MON1B: variants seen among roughly 807,000 people sequenced by gnomAD.
MON1B encodes vacuolar fusion protein MON1 homolog B.
MON1B carries 26 observed loss-of-function variants against 45.1 expected under a neutral mutation model. The ratio of observed to expected loss-of-function variants is 0.58; its 90% CI spans 0.42 to 0.80. The LOEUF is 0.80. Ranked by LOEUF, MON1B falls within the 30% of genes least tolerant of loss-of-function variation. The pLI is 0.00. For missense variants in MON1B, 737 were observed against 754.5 expected, an observed-to-expected ratio of 0.98 and a Z score of 0.27; for synonymous variants, 395 against 320.2, an observed-to-expected ratio of 1.23 and a Z score of -2.49.
Position 77,193,071 on chromosome 16 carries a change from G to C in MON1B, c.149-380G>C, listed in dbSNP as rs1031380191. 2.6e-5 allele frequency among the ~76,000 whole-genome samples: 4 copies of C among 151,992 alleles called. No individual in the cohort carries two copies. Among genetic ancestry groups the C allele is most frequent in the Admixed American group, 6.6e-5 (1 of 15,264 alleles). ...AGCAGATATCAGGAGAAAAAATAGC[G>C]GTCAGAGGAGTTAATGGGGGATCAT... On this transcript the variant is annotated intron_variant, in intron 2 of 5. Transcript: ENST00000248248. This position sits in a 1 kb window ranked among gnomAD's most constrained non-coding sequence, Gnocchi z 5.0.
Position 77,193,606 on chromosome 16 carries a change from G to T in MON1B, c.304G>T (p.Asp102Tyr), listed in dbSNP as rs1306913260. 4.3e-6 allele frequency: 7 copies of T among 1,614,128 alleles called. No homozygotes were observed. The highest frequency in any genetic ancestry group is 5.1e-6 in the Non-Finnish European group (6 of 1,179,976). The part of the protein sequence containing the change: ...SSGGQGGDPS[D>Y]EEWRSQRKHV... ...TGGAGGCCAGGGCGGGGACCCCAGTGATGAGGAGTGGCGCAGCCAGCGGAA... is the reference window on the plus strand; with the variant it reads ...TGGAGGCCAGGGCGGGGACCCCAGTTATGAGGAGTGGCGCAGCCAGCGGAA... The change falls in exon 3 of 6, where the codon GAT becomes TAT. Residue 102 changes from aspartate to tyrosine, a missense_variant. Physicochemically the swap from Asp to Tyr is radical, Grantham distance 160. Coordinates refer to ENST00000248248, the MANE Select transcript of MON1B (RefSeq NM_014940.4). This position sits in a 1 kb window ranked among gnomAD's most constrained non-coding sequence, Gnocchi z 5.0.
chr16:77,191,858 T>G (rs1283496954), intron 2 of MON1B, among the ~76,000 whole-genome samples: 3 of 152,042 alleles, frequency 2.0e-5, no homozygotes, highest in Non-Finnish European at 4.4e-5. Flanking sequence ...GGTGTGAGTT[T>G]AGGTCATTGA....
At chr16:77,195,951 G>T (rs1248078222) in intron 5 of MON1B, among the ~76,000 whole-genome samples, 1 of 152,108 alleles carries the variant, frequency 6.6e-6, no homozygotes, top group Non-Finnish European at 1.5e-5. Context: ...CTTTCCAGAG[G>T]CCCCATTAAC....
Position 77,194,793 on chromosome 16 carries a change from G to A in MON1B, c.934G>A (p.Gly312Ser). 1.2e-6 allele frequency: 2 copies of A among 1,613,778 alleles called. No homozygotes were observed. Among genetic ancestry groups the A allele is most frequent in the Non-Finnish European group, 1.7e-6 (2 of 1,180,002 alleles). Residue 312 changes from glycine (G) to serine (S), a missense_variant, in exon 4 of 6, where the codon GGT (glycine) becomes AGT (serine). Transcript: ENST00000248248. This position sits in a 1 kb window ranked among gnomAD's most constrained non-coding sequence, Gnocchi z 8.1. ...ADLQLLLDWVGAPAFAAGEAW... is the reference protein window; with the variant it reads ...ADLQLLLDWVSAPAFAAGEAW... ...CCTGCAGTTGCTGCTCGACTGGGTG[G>A]GTGCACCAGCCTTTGCGGCGGGTGA...
At position 77,193,874 on chromosome 16, in the gene MON1B, G is replaced by C; in HGVS notation, c.475+97G>C. Reference sequence around the variant, plus strand: ...GCCTCAGGCACTATCCAGCCAGCCAGGGTTGGGTCCATGTGTGTGGATGGT... The same window carrying C: ...GCCTCAGGCACTATCCAGCCAGCCACGGTTGGGTCCATGTGTGTGGATGGT... On this transcript the variant is annotated intron_variant, in intron 3 of 5. Coordinates refer to ENST00000248248, the MANE Select transcript of MON1B (RefSeq NM_014940.4). This position sits in a 1 kb window ranked among gnomAD's most constrained non-coding sequence, Gnocchi z 5.0. The C allele has an allele frequency of 7.6e-7, 1 of 1,316,226 alleles. No individual in the cohort carries two copies. The highest frequency in any genetic ancestry group is 1.0e-6 in the Non-Finnish European group (1 of 966,810). The allele number at this position is 1,316,226 out of a possible 1,614,324, so 81.5% of individuals were successfully genotyped here. A position where few individuals can be genotyped will look rare whatever the true frequency, so the allele number is the denominator to read the frequency against.
At position 77,198,251 on chromosome 16, in the gene MON1B, A is replaced by C. The variant is rs1597378450; in HGVS notation, c.1587A>C (p.Thr529=). ...TTCGTTACCCACCCAAGTACTCCAC[A>C]CCACCAGCCACCTCTACGGACCAAG... ...LFIRYPPKYS[T]PPATSTDQAA... The change falls in exon 6 of 6, where the codon ACA becomes ACC. Residue 529 remains threonine (T), a synonymous_variant. Transcript: ENST00000248248. 1 of 1,614,054 alleles carries C rather than the reference A, an allele frequency of 6.2e-7. No homozygotes were observed. The highest frequency in any genetic ancestry group is 8.5e-7 in the Non-Finnish European group (1 of 1,180,002).
Position 77,199,277 on chromosome 16 carries a change from G to T in MON1B, c.*969G>T. The stretch of plus-strand genomic sequence containing the variant: ...TTACAGCCTCAAGGTTGTAGCATGT[G>T]TGCTGGCAATCAGGGCCGCAGTGTG... On this transcript the variant is annotated 3_prime_UTR_variant, in exon 6 of 6. Transcript: ENST00000248248. The T allele has an allele frequency of 1.6e-6, 1 of 615,026 alleles. No homozygotes were observed. Among genetic ancestry groups the T allele is most frequent in the Non-Finnish European group, 2.9e-6 (1 of 342,354 alleles). The allele number at this position is 615,026 out of a possible 1,614,324, so 38.1% of individuals were successfully genotyped here.
Position 77,198,387 on chromosome 16 carries a change from G to C in MON1B, c.*79G>C. The C allele has an allele frequency of 6.9e-7, 1 of 1,455,676 alleles. No individual in the cohort carries two copies. The highest frequency in any genetic ancestry group is 2.3e-5 in the East Asian group (1 of 44,002). The allele number at this position is 1,455,676 out of a possible 1,614,324, so 90.2% of individuals were successfully genotyped here. ...CCTTCTGTCTACCCTGGAAATGTGT[G>C]TGGGGGTGTGTCTGTGGCCAGTCAT... On this transcript the variant is annotated 3_prime_UTR_variant, in exon 6 of 6. Transcript: ENST00000248248.
At position 77,195,168 on chromosome 16, in the gene MON1B, C is replaced by G. The variant is rs368859032; in HGVS notation, c.1295+14C>G. 192 of 1,546,450 alleles carry G rather than the reference C, an allele frequency of 1.2e-4. No homozygotes were observed. The highest frequency in any genetic ancestry group is 1.6e-4 in the Non-Finnish European group (186 of 1,150,962). ...CCAGTTTACCAGGTAGGCCCTGACCCTAAGGCAACTGGCTGGGTGGGAAGG... is the reference window on the plus strand; with the variant it reads ...CCAGTTTACCAGGTAGGCCCTGACCGTAAGGCAACTGGCTGGGTGGGAAGG... On this transcript the variant is annotated intron_variant, in intron 4 of 5. Coordinates refer to ENST00000248248, the MANE Select transcript of MON1B (RefSeq NM_014940.4).
In MON1B at chr16:77,195,692, G is replaced by A; in HGVS notation, c.1443+10G>A. 4 of 1,613,938 alleles carry A rather than the reference G, an allele frequency of 2.5e-6. No homozygotes were observed. Among genetic ancestry groups the A allele is most frequent in the Non-Finnish European group, 3.4e-6 (4 of 1,179,884 alleles). ...GACACTACTGGCCTGGGTAAGTTGGGCAGGGCTCTGAGTGAATTAATTCCC... is the reference window on the plus strand; with the variant it reads ...GACACTACTGGCCTGGGTAAGTTGGACAGGGCTCTGAGTGAATTAATTCCC... On this transcript the variant is annotated intron_variant, in intron 5 of 5. Coordinates refer to ENST00000248248, the MANE Select transcript of MON1B (RefSeq NM_014940.4).
In MON1B at chr16:77,195,688, T is replaced by A; in HGVS notation, c.1443+6T>A. On this transcript the variant is annotated splice_donor_region_variant and intron_variant, in intron 5 of 5. Transcript: ENST00000248248. Reference sequence around the variant, plus strand: ...AGGAGACACTACTGGCCTGGGTAAGTTGGGCAGGGCTCTGAGTGAATTAAT... The same window carrying A: ...AGGAGACACTACTGGCCTGGGTAAGATGGGCAGGGCTCTGAGTGAATTAAT... The A allele has an allele frequency of 6.2e-7, 1 of 1,614,060 alleles. No individual in the cohort carries two copies. The highest frequency in any genetic ancestry group is 8.5e-7 in the Non-Finnish European group (1 of 1,179,958).
chr16:77,198,491 C>T lies in MON1B; in HGVS notation c.*183C>T. Reference sequence around the variant, plus strand: ...TGGCAGCCGCCAGGCGAGCAGGCTGCTTTCCCTGCCCAGTCATGCACCTCC... The same window carrying T: ...TGGCAGCCGCCAGGCGAGCAGGCTGTTTTCCCTGCCCAGTCATGCACCTCC... On this transcript the variant is annotated 3_prime_UTR_variant, in exon 6 of 6. Transcript: ENST00000248248. 2 of 653,004 alleles carry T rather than the reference C, an allele frequency of 3.1e-6. No individual in the cohort carries two copies. The highest frequency in any genetic ancestry group is 5.2e-6 in the Non-Finnish European group (2 of 381,698). 40.5% of individuals were successfully genotyped at this position (653,004 alleles called of 1,614,324 possible).
At position 77,200,768 on chromosome 16, in the gene MON1B, A is replaced by AGAAG. The variant is rs1567423424; in HGVS notation, c.*2460_*2461insGAAG. The AGAAG allele has an allele frequency of 6.9e-6, 1 of 144,494 alleles. No individual in the cohort carries two copies. The highest frequency in any genetic ancestry group is 1.5e-5 in the Non-Finnish European group (1 of 66,726). The allele number at this position is 144,494 out of a possible 1,614,324, so 9.0% of individuals were successfully genotyped here. ...GAGCAAAAAAAAAAAAAAAAAAAGA[A>AGAAG]AAAACAAAAAGAAAAAAATCTCCCA... On this transcript the variant is annotated 3_prime_UTR_variant, in exon 6 of 6. Coordinates refer to ENST00000248248, the MANE Select transcript of MON1B (RefSeq NM_014940.4).
Position 77,198,242 on chromosome 16 carries a change from G to A in MON1B, c.1578G>A (p.Lys526=). The A allele has an allele frequency of 1.2e-6, 2 of 1,614,174 alleles. No individual in the cohort carries two copies. Among genetic ancestry groups the A allele is most frequent in the Non-Finnish European group, 1.7e-6 (2 of 1,180,030 alleles). ...EDRLFIRYPP[K]YSTPPATSTD... ...GGCTCTTCATTCGTTACCCACCCAA[G>A]TACTCCACACCACCAGCCACCTCTA... Residue 526 remains lysine, a synonymous_variant, in exon 6 of 6, where the codon AAG becomes AAA. Transcript: ENST00000248248.
At chr16:77,197,012 T>C (rs1274826347) in intron 5 of MON1B, among the ~76,000 whole-genome samples, 5 of 152,162 alleles carry the variant, frequency 3.3e-5, no homozygotes, top group Non-Finnish European at 5.9e-5. Context: ...ACTTTCTCTA[T>C]TCCAGTCCTC....
At chr16:77,191,830 G>A (rs894729345) in intron 2 of MON1B, among the ~76,000 whole-genome samples, 197 bp downstream of exon 2, 1 of 152,170 alleles carries the variant, frequency 6.6e-6, no homozygotes, top group Non-Finnish European at 1.5e-5. Context: ...GCTGTCAACG[G>A]ATGTTCACTG....
At position 77,195,445 on chromosome 16, in the gene MON1B, T is replaced by C. The variant is rs140196679; in HGVS notation, c.1296-90T>C. The C allele has an allele frequency of 4.9e-6, 7 of 1,432,446 alleles. No individual in the cohort carries two copies. In the African/African-American group the frequency reaches 1.0e-4, roughly 20 times the overall value. 88.7% of individuals were successfully genotyped at this position (1,432,446 alleles called of 1,614,324 possible). A position where few individuals can be genotyped will look rare whatever the true frequency, so the allele number is the denominator to read the frequency against. ...CATGGGAGAGGCTCAGCTCCCTAAC[T>C]TCATTGAAATCTCTAGACTGAGGGA... is the stretch of plus-strand genomic sequence containing the variant. On this transcript the variant is annotated intron_variant, in intron 4 of 5. Coordinates refer to ENST00000248248, the MANE Select transcript of MON1B (RefSeq NM_014940.4).
chr16:77,195,304 G>C, intron 4 of MON1B, 150 bp downstream of exon 4: 1 of 1,010,694 alleles, frequency 9.9e-7, no homozygotes, highest in East Asian at 2.6e-5. Flanking sequence ...TGGAGCATCA[G>C]CCACAGACCT....
chr16:77,193,341 G>A lies in MON1B; in HGVS notation c.149-110G>A, dbSNP rs575188052. 1.2e-5 allele frequency: 13 copies of A among 1,080,162 alleles called. No homozygotes were observed. The highest frequency in any genetic ancestry group is 9.6e-5 in the South Asian group (6 of 62,382). The allele number at this position is 1,080,162 out of a possible 1,614,324, so 66.9% of individuals were successfully genotyped here. The stretch of plus-strand genomic sequence containing the variant: ...GCATAGGAGACACTTGGAGTTCTGC[G>A]TCAGCATGCAGGGGTCATGGAGGGG... On this transcript the variant is annotated intron_variant, in intron 2 of 5. Coordinates refer to ENST00000248248, the MANE Select transcript of MON1B (RefSeq NM_014940.4). The surrounding 1 kb of genome is among the most constrained non-coding windows in gnomAD (Gnocchi z 5.0).
Sources: allele counts gnomAD v4.1 joint callset (sites outside exome capture counted in the v4.1 genomes callset), GRCh38; gene constraint gnomAD v4.1.1; non-coding constraint Gnocchi (gnomAD v3.1); transcripts MANE v1.5; gene names NCBI Gene and HGNC (gene_info 2026-07-23, HGNC 2026-07-21).